Variants in ME1 observed in about 807,000 individuals in gnomAD.
ME1 encodes malic enzyme 1, also known as NADP-dependent malic enzyme.
In ME1, 74 loss-of-function variants were observed where a neutral mutation model predicts 66.4. The observed-to-expected ratio is 1.11, with a 90% CI of 0.92 to 1.35. The LOEUF (loss-of-function observed/expected upper bound fraction) is 1.35. Among genes scored for constraint, ME1 ranks in the 40% most tolerant of loss-of-function variants. ME1 has a pLI of 0.00. For missense variants in ME1, 750 were observed against 694.1 expected (o/e 1.08, Z -0.90); for synonymous variants, 251 against 235.6 (o/e 1.07, Z -0.60).
chr6:83,230,984 T>C (rs200455513), intron 9 of ME1, among the ~76,000 whole-genome samples: 1 of 152,154 alleles, frequency 6.6e-6, no homozygotes, highest in East Asian at 1.9e-4. Context: ...AGAATCAGTG[T>C]ACTAAATGAT....
At chr6:83,368,487 G>T (rs776681155) in intron 3 of ME1, among the ~76,000 whole-genome samples, 8 of 152,030 alleles carry the variant, frequency 5.3e-5, no homozygotes, top group Non-Finnish European at 5.9e-5. Flanking sequence ...CACATGTTTT[G>T]CATGTGATTT....
chr6:83,255,972 G>C (rs554188029), intron 6 of ME1, among the ~76,000 whole-genome samples: 1 of 152,032 alleles, frequency 6.6e-6, no homozygotes, highest in African/African-American at 2.4e-5. Flanking sequence ...ATACCTCCCT[G>C]CTTTAATTCC....
At chr6:83,296,121 A>C (rs1767594468) in intron 6 of ME1, among the ~76,000 whole-genome samples, 2 of 152,200 alleles carry the variant, frequency 1.3e-5, no homozygotes, top group South Asian at 4.1e-4. Flanking sequence ...TTCTACTGGA[A>C]CTATTCCAAA....
chr6:83,238,736 C>G (rs1393202509), intron 8 of ME1, among the ~76,000 whole-genome samples: 1 of 148,836 alleles, frequency 6.7e-6, no homozygotes, highest in Non-Finnish European at 1.5e-5. Flanking sequence ...CAATGATCTA[C>G]CAGTGTAACA....
intron 3 of ME1, among the ~76,000 whole-genome samples, chr6:83,370,902 T>C (rs1769182847): frequency 6.6e-6 from 1 of 152,108 alleles, no homozygotes; most frequent in Non-Finnish European, 1.5e-5. Flanking sequence ...CATGCTTTTA[T>C]GCAAGAAGTC....
At chr6:83,245,001 C>T (rs1790591822) in intron 7 of ME1, among the ~76,000 whole-genome samples, 1 of 151,916 alleles carries the variant, frequency 6.6e-6, no homozygotes, top group South Asian at 2.1e-4. Flanking sequence ...TATCAAAGAG[C>T]CGTTTTTAGT....
intron 6 of ME1, among the ~76,000 whole-genome samples, chr6:83,262,602 T>C (rs1288932801): frequency 2.0e-5 from 3 of 152,194 alleles, no homozygotes; most frequent in African/African-American, 4.8e-5. Context: ...GGGTCACATA[T>C]TCAGCAGAAA....
At chr6:83,254,653 T>G (rs953085922) in intron 6 of ME1, among the ~76,000 whole-genome samples, 11 of 152,148 alleles carry the variant, frequency 7.2e-5, no homozygotes, top group Non-Finnish European at 1.5e-4. Context: ...TATTTTGTAC[T>G]TTTATGTCTA....
intron 3 of ME1, among the ~76,000 whole-genome samples, chr6:83,374,929 G>A (rs952830169): frequency 1.3e-5 from 2 of 152,026 alleles, no homozygotes; most frequent in Admixed American, 1.3e-4. Context: ...TATTTCTGAG[G>A]TCTCTATTCT....
chr6:83,394,626 G>A (rs1481186985), intron 3 of ME1, among the ~76,000 whole-genome samples: 1 of 152,072 alleles, frequency 6.6e-6, no homozygotes, highest in Admixed American at 6.6e-5. Flanking sequence ...ATTGCTTTCC[G>A]ATAATACCTC....
Position 83,359,737 on chromosome 6 carries a change from C to A in ME1, c.363-7598G>T, listed in dbSNP as rs187551794. Among the ~76,000 whole-genome samples the A allele has an allele frequency of 2.0e-5, 3 of 152,260 alleles. No homozygotes were observed. In the East Asian group the frequency reaches 5.8e-4, roughly 29 times the overall value. On this transcript the variant is annotated intron_variant, in intron 3 of 13. Transcript: ENST00000369705. ...CAGTAGGGTGGGTCCAGAAGATATACCCTTGACCAATGTCTTGCAAAGCAG... is the reference window on the plus strand; with the variant it reads ...CAGTAGGGTGGGTCCAGAAGATATAACCTTGACCAATGTCTTGCAAAGCAG...
chr6:83,247,499 ATAAATCATATCT>A (rs1201112103), intron 7 of ME1, among the ~76,000 whole-genome samples: 1 of 152,062 alleles, frequency 6.6e-6, no homozygotes, highest in Non-Finnish European at 1.5e-5. Context: ...AATACTTTTC[ATAAATCATATCT>A]TTAAATAACA....
chr6:83,264,797 G>GT lies in ME1; in HGVS notation c.705-11060dup, dbSNP rs1197803842. ...CTTTTTCTGGATGAGCAAAGAAAGT[G>GT]TTTTTTTGAGATGAAATTTACTTCT... On this transcript the variant is annotated intron_variant, in intron 6 of 13. Transcript: ENST00000369705. Among the ~76,000 whole-genome samples the GT allele has an allele frequency of 1.4e-4, 21 of 152,216 alleles. No homozygotes were observed. The South Asian group carries it at 2.9e-3, about 21-fold the overall frequency.
intron 2 of ME1, among the ~76,000 whole-genome samples, chr6:83,405,656 C>G (rs1769924994): frequency 6.7e-6 from 1 of 150,092 alleles, no homozygotes; most frequent in Non-Finnish European, 1.5e-5. Context: ...ATAAACAGCT[C>G]TTACTATTTT....
intron 5 of ME1, among the ~76,000 whole-genome samples, chr6:83,344,075 C>T (rs942892730): frequency 2.0e-5 from 3 of 149,530 alleles, no homozygotes; most frequent in African/African-American, 4.9e-5. Flanking sequence ...GAGTTCAAAA[C>T]CAGCCTGAGC....
intron 7 of ME1, among the ~76,000 whole-genome samples, chr6:83,249,497 T>G (rs1414603610): frequency 3.9e-5 from 6 of 152,200 alleles, no homozygotes; most frequent in African/African-American, 1.4e-4. Context: ...AGTGCTGGGA[T>G]TACAGGTGTG....
chr6:83,283,171 T>C (rs1315748567), intron 6 of ME1, among the ~76,000 whole-genome samples: 1 of 129,888 alleles, frequency 7.7e-6, no homozygotes. Flanking sequence ...GAGCTTGCAG[T>C]GAGCCGAGAT....
At chr6:83,411,129 A>G (rs1770041440) in intron 1 of ME1, among the ~76,000 whole-genome samples, 1 of 152,198 alleles carries the variant, frequency 6.6e-6, no homozygotes, top group Admixed American at 6.5e-5. Flanking sequence ...CTGTAATCCC[A>G]GCACTTTGGG....
intron 3 of ME1, among the ~76,000 whole-genome samples, chr6:83,390,461 C>T (rs1264580032): frequency 6.6e-6 from 1 of 152,160 alleles, no homozygotes; most frequent in Non-Finnish European, 1.5e-5. Context: ...CCATCATTCA[C>T]ATCATTCACG....
Sources: gnomAD v4.1 joint callset for allele counts (sites outside exome capture counted in the v4.1 genomes callset) on GRCh38, gnomAD v4.1.1 for gene constraint, MANE v1.5 for transcripts, NCBI Gene and HGNC (gene_info 2026-07-23, HGNC 2026-07-21) for gene names.